GJB7: variants seen among roughly 807,000 people sequenced by gnomAD.
GJB7 encodes the protein gap junction beta-7 protein.
For synonymous variants in GJB7, 87 were observed against 95.2 expected, an observed-to-expected ratio of 0.91 and a Z score of 0.50; for missense variants, 253 against 256.8, an observed-to-expected ratio of 0.99 and a Z score of 0.10.
intron 2 of GJB7, among the ~76,000 whole-genome samples, chr6:87,321,927 G>A (rs1776671094): frequency 6.6e-6 from 1 of 152,160 alleles, no homozygotes; most frequent in South Asian, 2.1e-4. Flanking sequence ...TCATGGGAAT[G>A]GCAAGGGGGA....
chr6:87,288,246 A>T (rs563882031), intron 2 of GJB7, among the ~76,000 whole-genome samples: 4 of 152,214 alleles, frequency 2.6e-5, no homozygotes, highest in Non-Finnish European at 5.9e-5. Context: ...TATTCTTTAC[A>T]ATAAGAATAT....
chr6:87,324,787 C>T (rs372102258), intron 1 of GJB7, among the ~76,000 whole-genome samples: 7 of 152,074 alleles, frequency 4.6e-5, no homozygotes, highest in East Asian at 3.9e-4. Context: ...TTTAAAGTAG[C>T]TTTTTCCAAT....
At chr6:87,310,543 G>A (rs1386902710) in intron 2 of GJB7, among the ~76,000 whole-genome samples, 1 of 152,018 alleles carries the variant, frequency 6.6e-6, no homozygotes, top group Non-Finnish European at 1.5e-5. Flanking sequence ...TACACATTGG[G>A]TACCATGTAC....
chr6:87,288,710 G>T (rs1776110140), intron 2 of GJB7, among the ~76,000 whole-genome samples: 2 of 152,284 alleles, frequency 1.3e-5, no homozygotes, highest in African/African-American at 4.8e-5. Flanking sequence ...CAGAAACTTG[G>T]AAGTCATTCT....
Position 87,313,568 on chromosome 6 carries a change from A to G in GJB7, c.-28+9298T>C, listed in dbSNP as rs151272198. Among the ~76,000 whole-genome samples the G allele has an allele frequency of 9.9e-4, 151 of 152,306 alleles. 1 individual carries two copies. The highest frequency in any genetic ancestry group is 3.4e-3 in the African/African-American group (142 of 41,568). ...TATTATTAATTCCAATCATATTCAAATCTCAACCATCTGAAATGGTTGTTA... is the reference window on the plus strand; with the variant it reads ...TATTATTAATTCCAATCATATTCAAGTCTCAACCATCTGAAATGGTTGTTA... On this transcript the variant is annotated intron_variant, in intron 2 of 2. Transcript: ENST00000525899.
In GJB7 at chr6:87,283,212, G is replaced by A. The variant is rs1776003149; in HGVS notation, c.*1029C>T. 6.6e-6 allele frequency: 1 copy of A among 152,178 alleles called. No homozygotes were observed. Among genetic ancestry groups the A allele is most frequent in the Non-Finnish European group, 1.5e-5 (1 of 68,030 alleles). The allele number at this position is 152,178 out of a possible 1,614,324, so 9.4% of individuals were successfully genotyped here. A position where few individuals can be genotyped will look rare whatever the true frequency, so the allele number is the denominator to read the frequency against. ...TACTAGTAAATTATAGGCGAACTATGACTTACAGTATAGTACATAGTGAAT... is the reference window on the plus strand; with the variant it reads ...TACTAGTAAATTATAGGCGAACTATAACTTACAGTATAGTACATAGTGAAT... On this transcript the variant is annotated 3_prime_UTR_variant, in exon 3 of 3. Transcript: ENST00000525899.
intron 2 of GJB7, among the ~76,000 whole-genome samples, chr6:87,295,159 T>G (rs575967448): frequency 2.0e-5 from 3 of 152,208 alleles, no homozygotes; most frequent in African/African-American, 7.2e-5. Context: ...GCATAGATTT[T>G]GGGGAAAAAA....
chr6:87,327,974 A>C (rs1776874691), intron 1 of GJB7, among the ~76,000 whole-genome samples: 1 of 150,970 alleles, frequency 6.6e-6, no homozygotes. Flanking sequence ...TTTTTTCTCT[A>C]AACTTCCCTT....
At chr6:87,323,170 TCA>T (rs1776713565) in intron 1 of GJB7, 127 bp from the exon 2 acceptor site, 1 of 152,244 alleles carries the variant, frequency 6.6e-6, no homozygotes, top group South Asian at 2.1e-4. Context: ...CAGATGAGAC[TCA>T]GATTGTCAGT....
intron 2 of GJB7, among the ~76,000 whole-genome samples, chr6:87,313,409 A>G (rs959320562): frequency 1.2e-4 from 18 of 152,228 alleles, no homozygotes; most frequent in Admixed American, 3.9e-4. Flanking sequence ...TTATGCCCTA[A>G]AAGGATGGAG....
At chr6:87,295,483 C>T in intron 2 of GJB7, among the ~76,000 whole-genome samples, 1 of 152,102 alleles carries the variant, frequency 6.6e-6, no homozygotes, top group East Asian at 1.9e-4. Flanking sequence ...GCTGCCTCTT[C>T]TGGTGCCATA....
chr6:87,320,058 G>T (rs9359745), intron 2 of GJB7, among the ~76,000 whole-genome samples: 1 of 151,892 alleles, frequency 6.6e-6, no homozygotes, highest in Non-Finnish European at 1.5e-5. Context: ...GATTTTTAGC[G>T]GGTACAAAAG....
chr6:87,288,391 C>T (rs981665783), intron 2 of GJB7, among the ~76,000 whole-genome samples: 1 of 152,068 alleles, frequency 6.6e-6, no homozygotes, highest in Non-Finnish European at 1.5e-5. Flanking sequence ...ACAAAGCAAG[C>T]CAATTAACGG....
intron 2 of GJB7, chr6:87,299,057 G>A (rs2127901947): frequency 5.9e-6 from 3 of 509,998 alleles, no homozygotes; most frequent in South Asian, 4.3e-5. Context: ...TGTTCAAGAT[G>A]TTGCTAATAA....
chr6:87,293,025 A>ATTTTATT (rs1194560758), intron 2 of GJB7, among the ~76,000 whole-genome samples: 3 of 152,232 alleles, frequency 2.0e-5, no homozygotes, highest in African/African-American at 7.2e-5. Context: ...AGTTTATTTT[A>ATTTTATT]TTTTATTTTT....
intron 1 of GJB7, among the ~76,000 whole-genome samples, chr6:87,325,309 T>C (rs1238593383): frequency 6.9e-6 from 1 of 144,910 alleles, no homozygotes; most frequent in African/African-American, 2.6e-5. Flanking sequence ...CTATGTTGAA[T>C]AGGAGTGGTG....
At chr6:87,293,732 C>T (rs1024215683) in intron 2 of GJB7, among the ~76,000 whole-genome samples, 2 of 152,172 alleles carry the variant, frequency 1.3e-5, no homozygotes, top group African/African-American at 2.4e-5. Context: ...TACTGAAGCC[C>T]CAGGCACTGA....
intron 2 of GJB7, among the ~76,000 whole-genome samples, chr6:87,313,182 T>C (rs1776534711): frequency 6.6e-6 from 1 of 152,186 alleles, no homozygotes; most frequent in Non-Finnish European, 1.5e-5. Context: ...TCTAAATGAT[T>C]TGAGGAAAAC....
In GJB7 at chr6:87,284,937, A is replaced by G. The variant is rs1395254261; in HGVS notation, c.-25T>C. ...TGACTTAGGCTCAAAAGAAGGCAAG[A>G]CTCTGCAAAATAAGACAATTTCATC... On this transcript the variant is annotated splice_region_variant and 5_prime_UTR_variant, in exon 3 of 3. Transcript: ENST00000525899. 1.9e-6 allele frequency: 3 copies of G among 1,566,996 alleles called. No homozygotes were observed. Among genetic ancestry groups the G allele is most frequent in the South Asian group, 1.1e-5 (1 of 88,234 alleles).
Sources: allele counts gnomAD v4.1 joint callset (sites outside exome capture counted in the v4.1 genomes callset), GRCh38; gene constraint gnomAD v4.1.1; transcripts MANE v1.5; gene names NCBI Gene and HGNC (gene_info 2026-07-23, HGNC 2026-07-21).